CLCN6: variants seen among roughly 807,000 people sequenced by gnomAD.
CLCN6 encodes the protein Cl-/H+ antiporter 6.
Under a neutral mutation model 109.8 loss-of-function variants are expected in CLCN6, and 70 were observed. That is an observed-to-expected ratio of 0.64 (90% CI 0.53 to 0.78). The LOEUF (loss-of-function observed/expected upper bound fraction) is 0.78, where lower values mean the gene tolerates loss of function less well. Ranked by LOEUF, CLCN6 falls within the 30% of genes least tolerant of loss-of-function variation. The pLI, the probability that CLCN6 is intolerant of heterozygous loss-of-function variation, is 0.00. For synonymous variants in CLCN6, 444 were observed against 447.8 expected (o/e 0.99, Z 0.11); for missense variants, 984 against 1,142.3 (o/e 0.86, Z 2.00).
chr1:11,823,955 C>T (rs1644779759), intron 7 of CLCN6, 122 bp downstream of exon 7: 5 of 1,275,104 alleles, frequency 3.9e-6, no homozygotes, highest in Non-Finnish European at 5.4e-6. Flanking sequence ...GATGTCTGCA[C>T]TTTTTGTTGA....
At position 11,838,813 on chromosome 1, in the gene CLCN6, G is replaced by A. The variant is rs142008102; in HGVS notation, c.2529+153G>A. 210 of 1,119,034 alleles carry A rather than the reference G, an allele frequency of 1.9e-4. 1 individual carries two copies. In the African/African-American group the frequency reaches 2.5e-3, roughly 14 times the overall value. The allele number at this position is 1,119,034 out of a possible 1,614,324, so 69.3% of individuals were successfully genotyped here. A position where few individuals can be genotyped will look rare whatever the true frequency, so the allele number is the denominator to read the frequency against. ...TAGCTTTGAACCCTGCTCGGCTTCC[G>A]TGCACTCGGGACCCTTTCCCCTGCC... On this transcript the variant is annotated intron_variant, in intron 22 of 22. Transcript: ENST00000346436.
intron 22 of CLCN6, among the ~76,000 whole-genome samples, chr1:11,839,868 G>C (rs1487290616): frequency 6.6e-6 from 1 of 152,244 alleles, no homozygotes; most frequent in Non-Finnish European, 1.5e-5. Flanking sequence ...AAGCAGGCTG[G>C]TCATGATGGG....
rs1396491070 is a variant in CLCN6, at chr1:11,842,184, T to C, written c.*1961T>C. On this transcript the variant is annotated 3_prime_UTR_variant, in exon 23 of 23. Transcript: ENST00000346436. ...AACGCCCTGCAGGAGGACCCCGGCC[T>C]CTCGAGGGCTGGATCAGCAGCCGCC... is the stretch of plus-strand genomic sequence containing the variant. The C allele has an allele frequency of 6.6e-6, 1 of 152,152 alleles. No individual in the cohort carries two copies. The highest frequency in any genetic ancestry group is 1.5e-5 in the Non-Finnish European group (1 of 68,016). The allele number at this position is 152,152 out of a possible 1,614,324, so 9.4% of individuals were successfully genotyped here. A position where few individuals can be genotyped will look rare whatever the true frequency, so the allele number is the denominator to read the frequency against.
chr1:11,838,263 G>T, intron 20 of CLCN6, 72 bp from the exon 21 acceptor site: 2 of 1,357,856 alleles, frequency 1.5e-6, no homozygotes, highest in Non-Finnish European at 2.1e-6. Flanking sequence ...AGGCATCAAG[G>T]GGAGGGGCTC....
At chr1:11,828,701 G>A (rs1056119141) in intron 12 of CLCN6, 77 bp downstream of exon 12, 3 of 1,435,360 alleles carry the variant, frequency 2.1e-6, no homozygotes, top group Admixed American at 2.2e-5. Flanking sequence ...TCTCTCCCGA[G>A]GAGCGGACCC....
At chr1:11,811,615 C>A (rs193054612) in intron 2 of CLCN6, among the ~76,000 whole-genome samples, 1 of 152,180 alleles carries the variant, frequency 6.6e-6, no homozygotes, top group African/African-American at 2.4e-5. Flanking sequence ...CTCCTGGCCT[C>A]GGGTGATCCG....
chr1:11,840,065 C>T, intron 22 of CLCN6, 78 bp from the exon 23 acceptor site: 2 of 1,191,044 alleles, frequency 1.7e-6, no homozygotes, highest in Non-Finnish European at 2.5e-6. Flanking sequence ...GACAAACTAA[C>T]AGGGCCGGCT....
intron 2 of CLCN6, among the ~76,000 whole-genome samples, chr1:11,814,003 A>G (rs1426691641): frequency 2.6e-5 from 4 of 152,168 alleles, no homozygotes; most frequent in South Asian, 2.1e-4. Context: ...TTGGATGTAT[A>G]ATTGATTTAC....
intron 8 of CLCN6, among the ~76,000 whole-genome samples, chr1:11,825,647 G>C (rs1272316346): frequency 1.3e-5 from 2 of 152,106 alleles, no homozygotes; most frequent in Non-Finnish European, 2.9e-5. Flanking sequence ...TTTTGAGACG[G>C]AGTCTCACTC....
intron 4 of CLCN6, 128 bp downstream of exon 4, chr1:11,816,808 C>A: frequency 1.8e-6 from 1 of 571,062 alleles, no homozygotes; most frequent in Non-Finnish European, 2.9e-6. Context: ...TGCAATAACA[C>A]TTGTCATTAT....
rs759262209 is a variant in CLCN6 at position 11,806,324 on chromosome 1, G to C, written c.62G>C (p.Arg21Pro). ...CCRWCCCCGE[R>P]ETRTPEELTI... Reference sequence around the variant, plus strand: ...AGGTGGTGCTGCTGCTGCGGTGAGCGTGAGACCCGCACCCCCGAGGAGCTG... The same window carrying C: ...AGGTGGTGCTGCTGCTGCGGTGAGCCTGAGACCCGCACCCCCGAGGAGCTG... Residue 21 changes from arginine to proline, a missense_variant, in exon 1 of 23, where the codon CGT (arginine) becomes CCT (proline). Arg to Pro is a moderately radical substitution (Grantham distance 103). Coordinates refer to ENST00000346436, the MANE Select transcript of CLCN6 (RefSeq NM_001286.5). 4 of 1,514,746 alleles carry C rather than the reference G, an allele frequency of 2.6e-6. No individual in the cohort carries two copies. The highest frequency in any genetic ancestry group is 3.5e-6 in the Non-Finnish European group (4 of 1,143,540). 93.8% of individuals were successfully genotyped at this position (1,514,746 alleles called of 1,614,324 possible).
intron 22 of CLCN6, among the ~76,000 whole-genome samples, chr1:11,839,499 T>G (rs1456818692): frequency 1.3e-5 from 2 of 152,198 alleles, no homozygotes; most frequent in African/African-American, 2.4e-5. Context: ...TGAACTCAAG[T>G]GATTCACCTG....
At chr1:11,833,790 T>G in intron 14 of CLCN6, 87 bp from the exon 15 acceptor site, 1 of 1,554,508 alleles carries the variant, frequency 6.4e-7, no homozygotes. Context: ...GAAGGGGAAC[T>G]GGTATGGGGT....
rs1347558723 is a variant in CLCN6 at position 11,842,701 on chromosome 1, G to A, written c.*2478G>A. 6.6e-6 allele frequency: 1 copy of A among 152,332 alleles called. No homozygotes were observed. The highest frequency in any genetic ancestry group is 6.5e-5 in the Admixed American group (1 of 15,286). The allele number at this position is 152,332 out of a possible 1,614,324, so 9.4% of individuals were successfully genotyped here. On this transcript the variant is annotated 3_prime_UTR_variant, in exon 23 of 23. Coordinates refer to ENST00000346436, the MANE Select transcript of CLCN6 (RefSeq NM_001286.5). The stretch of plus-strand genomic sequence containing the variant: ...GGTGATCAGGGAGTGGGGCCAATGG[G>A]CCCCCGGCCCTGGCTTTGGGACCTT...
Position 11,806,286 on chromosome 1 carries a change from G to A in CLCN6, c.24G>A (p.Leu8=), listed in dbSNP as rs771903854. Residue 8 remains leucine (L), a synonymous_variant, in exon 1 of 23, where the codon CTG becomes CTA. Coordinates refer to ENST00000346436, the MANE Select transcript of CLCN6 (RefSeq NM_001286.5). MAGCRGS[L]CCCCRWCCCC... ...AGATGGCGGGGTGCAGGGGGTCTCT[G>A]TGCTGCTGCTGCAGGTGGTGCTGCT... The A allele has an allele frequency of 2.7e-6, 4 of 1,506,052 alleles. No individual in the cohort carries two copies. Among genetic ancestry groups the A allele is most frequent in the Non-Finnish European group, 3.5e-6 (4 of 1,138,138 alleles). 93.3% of individuals were successfully genotyped at this position (1,506,052 alleles called of 1,614,324 possible).
chr1:11,810,260 C>T (rs970374749), intron 2 of CLCN6, among the ~76,000 whole-genome samples: 1 of 152,168 alleles, frequency 6.6e-6, no homozygotes, highest in Non-Finnish European at 1.5e-5. Flanking sequence ...GTTAGAATCC[C>T]ATTTTGACAT....
rs772513160 is a variant in CLCN6 at position 11,828,171 on chromosome 1, C to T, written c.906C>T (p.Ser302=). Residue 302 remains serine (S), a synonymous_variant, in exon 11 of 23, where the codon AGC becomes AGT. Transcript: ENST00000346436. ...NFFRSGIQFG[S]WGSFQLPGLL... ...TCCGTTCTGGGATTCAGTTTGGAAG[C>T]TGGGGTTCCTTCCAGCTCCCTGGAT... The T allele has an allele frequency of 1.1e-5, 18 of 1,614,208 alleles. No individual in the cohort carries two copies. The highest frequency in any genetic ancestry group is 3.3e-5 in the Admixed American group (2 of 60,022).
chr1:11,809,253 G>T (rs1557776947), intron 2 of CLCN6, among the ~76,000 whole-genome samples: 1 of 152,094 alleles, frequency 6.6e-6, no homozygotes, highest in Non-Finnish European at 1.5e-5. Context: ...CTGTCACCTT[G>T]CACTCCCTCA....
chr1:11,838,729 C>T, intron 22 of CLCN6, 69 bp downstream of exon 22: 2 of 1,608,828 alleles, frequency 1.2e-6, no homozygotes, highest in Non-Finnish European at 1.7e-6. Context: ...GTTTGTGCAC[C>T]CAGGCTTCTC....
Sources: allele counts gnomAD v4.1 joint callset (sites outside exome capture counted in the v4.1 genomes callset), GRCh38; gene constraint gnomAD v4.1.1; transcripts MANE v1.5; gene names NCBI Gene and HGNC (gene_info 2026-07-23, HGNC 2026-07-21).